SH3PXD2A: variants seen among roughly 807,000 people sequenced by gnomAD.
SH3PXD2A encodes the protein SH3 and PX domains 2A, also known as SH3 and PX domain-containing protein 2A.
In SH3PXD2A, 32 loss-of-function variants were observed where a neutral mutation model predicts 115.2. The ratio of observed to expected loss-of-function variants is 0.28; its 90% CI spans 0.21 to 0.37. The LOEUF (loss-of-function observed/expected upper bound fraction) is 0.37, where lower values mean the gene tolerates loss of function less well. SH3PXD2A is among the 10% of genes least tolerant of loss of function. SH3PXD2A has a pLI of 1.00. For synonymous variants in SH3PXD2A, 610 were observed against 629.1 expected (o/e 0.97, Z 0.45); for missense variants, 1,328 against 1,498.7 (o/e 0.89, Z 1.88).
chr10:103,751,640 A>G (rs530624129), intron 3 of SH3PXD2A, among the ~76,000 whole-genome samples: 15 of 152,376 alleles, frequency 9.8e-5, no homozygotes, highest in African/African-American at 3.6e-4. Flanking sequence ...ATGGGCACAG[A>G]TGAAAAAACT....
Position 103,602,506 on chromosome 10 carries a change from G to A in SH3PXD2A, c.2712C>T (p.Pro904=). The A allele has an allele frequency of 2.5e-6, 4 of 1,614,172 alleles. No individual in the cohort carries two copies. In the Admixed American group the frequency reaches 5.0e-5, roughly 20 times the overall value. The change falls in exon 15 of 15, where the codon CCC becomes CCT. Residue 904 remains proline (P), a synonymous_variant. Coordinates refer to ENST00000369774, the MANE Select transcript of SH3PXD2A (RefSeq NM_001394015.1). ...LVLDENEQPD[P]SGKELDTVPA... ...GCACTGTGTCCAGCTCTTTGCCAGA[G>A]GGGTCAGGTTGCTCGTTCTCATCCA...
intron 1 of SH3PXD2A, among the ~76,000 whole-genome samples, chr10:103,827,960 T>G (rs560578452): frequency 6.6e-6 from 1 of 152,276 alleles, no homozygotes; most frequent in Admixed American, 6.5e-5. Flanking sequence ...GCTGTGAGGC[T>G]CTAGGAAGGT....
At chr10:103,611,372 G>A (rs191017274) in intron 13 of SH3PXD2A, among the ~76,000 whole-genome samples, 1,808 of 152,288 alleles carry the variant, frequency 0.012, 19 homozygotes, top group Non-Finnish European at 0.019. Context: ...GTGTGTTTCC[G>A]ATTATAAACT....
intron 2 of SH3PXD2A, among the ~76,000 whole-genome samples, chr10:103,769,723 C>T (rs944321857): frequency 3.3e-5 from 5 of 152,054 alleles, no homozygotes; most frequent in African/African-American, 9.7e-5. Flanking sequence ...TGAGCCACGG[C>T]GCCTGGCCAC....
chr10:103,609,235 GAGGA>G (rs909427228), intron 13 of SH3PXD2A: 41 of 152,284 alleles, frequency 2.7e-4, no homozygotes, highest in African/African-American at 9.6e-4. Flanking sequence ...CCCTGTGGGA[GAGGA>G]AGGAAAGCCA....
At chr10:103,678,172 G>A (rs939512181) in intron 6 of SH3PXD2A, 1 of 1,288,694 alleles carries the variant, frequency 7.8e-7, no homozygotes. Flanking sequence ...TCTGGGGGGA[G>A]CAGGGCTTGG....
chr10:103,718,008 CTT>C (rs34054940), intron 5 of SH3PXD2A, among the ~76,000 whole-genome samples: 2 of 143,508 alleles, frequency 1.4e-5, no homozygotes. Flanking sequence ...TTCCATGTGT[CTT>C]TTTTTTTTTT....
intron 5 of SH3PXD2A, among the ~76,000 whole-genome samples, chr10:103,715,743 T>A (rs1419154203): frequency 3.3e-5 from 5 of 152,196 alleles, no homozygotes; most frequent in Non-Finnish European, 2.9e-5. Flanking sequence ...CGCCCTGCCT[T>A]CCCGAACAGG....
chr10:103,733,587 G>A (rs764895183), intron 4 of SH3PXD2A, among the ~76,000 whole-genome samples: 105 of 152,332 alleles, frequency 6.9e-4, no homozygotes, highest in Non-Finnish European at 9.0e-4. Context: ...TCTAGCTTAA[G>A]GGAATCCAGC....
intron 1 of SH3PXD2A, among the ~76,000 whole-genome samples, chr10:103,824,468 C>T (rs943982284): frequency 1.3e-5 from 2 of 152,188 alleles, no homozygotes; most frequent in Admixed American, 1.3e-4. Flanking sequence ...ATCCACCGAG[C>T]CTCTGAGAAC....
At chr10:103,816,855 T>C (rs2039328323) in intron 1 of SH3PXD2A, among the ~76,000 whole-genome samples, 1 of 152,186 alleles carries the variant, frequency 6.6e-6, no homozygotes. Context: ...TTCTTTTTTT[T>C]GAGACAGAGT....
In SH3PXD2A at chr10:103,694,491, G is replaced by A. The variant is rs1252035364; in HGVS notation, c.399-1435C>T. 9.2e-5 allele frequency among the ~76,000 whole-genome samples: 14 copies of A among 152,122 alleles called. No individual in the cohort carries two copies. The South Asian group carries it at 2.5e-3, about 27-fold the overall frequency. ...GGGAGCTCCCCCTCTCCTAGGCATCGACCTTTCCCAAAACTTAGAACCCAC... is the reference window on the plus strand; with the variant it reads ...GGGAGCTCCCCCTCTCCTAGGCATCAACCTTTCCCAAAACTTAGAACCCAC... On this transcript the variant is annotated intron_variant, in intron 5 of 14. Transcript: ENST00000369774.
intron 2 of SH3PXD2A, among the ~76,000 whole-genome samples, chr10:103,785,326 G>A (rs140873032): frequency 6.6e-6 from 1 of 152,292 alleles, no homozygotes; most frequent in African/African-American, 2.4e-5. Flanking sequence ...TTAGGCAATG[G>A]AACAGACAGA....
At chr10:103,655,385 C>T (rs948674454) in intron 8 of SH3PXD2A, among the ~76,000 whole-genome samples, 60 of 152,236 alleles carry the variant, frequency 3.9e-4, no homozygotes, top group African/African-American at 1.3e-3. Flanking sequence ...TAGGAGCAGG[C>T]GAATGTGGAA....
At chr10:103,814,310 T>C (rs1173300491) in intron 1 of SH3PXD2A, among the ~76,000 whole-genome samples, 2 of 152,124 alleles carry the variant, frequency 1.3e-5, no homozygotes, top group African/African-American at 4.8e-5. Flanking sequence ...GTCCAGCCCT[T>C]CTCGGCTCCA....
At chr10:103,635,243 G>A (rs940078012) in intron 8 of SH3PXD2A, among the ~76,000 whole-genome samples, 27 of 152,216 alleles carry the variant, frequency 1.8e-4, no homozygotes, top group African/African-American at 5.3e-4. Context: ...TGCCACACCT[G>A]GCTTCTTCCC....
At chr10:103,623,278 C>G (rs1343792961) in intron 9 of SH3PXD2A, among the ~76,000 whole-genome samples, 10 of 151,962 alleles carry the variant, frequency 6.6e-5, no homozygotes, top group Admixed American at 1.3e-4. Context: ...GGCCCCCTCC[C>G]CAGCTTCTCA....
At chr10:103,845,311 A>G (rs1842833073) in intron 1 of SH3PXD2A, among the ~76,000 whole-genome samples, 2 of 147,456 alleles carry the variant, frequency 1.4e-5, no homozygotes, top group Non-Finnish European at 3.0e-5. Context: ...AGCCTGGACG[A>G]CAGAGCGAGA....
In SH3PXD2A at chr10:103,602,137, C is replaced by T. The variant is rs375263619; in HGVS notation, c.3081G>A (p.Glu1027=). 2.3e-5 allele frequency: 37 copies of T among 1,579,238 alleles called. No individual in the cohort carries two copies. In the Admixed American group the frequency reaches 2.6e-4, roughly 11 times the overall value. The change falls in exon 15 of 15, where the codon GAG becomes GAA. Residue 1027 remains glutamate, a synonymous_variant. Transcript: ENST00000369774. ...SFSTARSAAA[E]AKGRLAERAA... ...CCCGTTCGGCCAGGCGGCCCTTGGCCTCGGCGGCAGCGGAGCGAGCAGTGC... is the reference window on the plus strand; with the variant it reads ...CCCGTTCGGCCAGGCGGCCCTTGGCTTCGGCGGCAGCGGAGCGAGCAGTGC...
Sources: allele counts gnomAD v4.1 joint callset (sites outside exome capture counted in the v4.1 genomes callset), GRCh38; gene constraint gnomAD v4.1.1; transcripts MANE v1.5; gene names NCBI Gene and HGNC (gene_info 2026-07-23, HGNC 2026-07-21).